Variants in CAMK1D observed in about 807,000 individuals in gnomAD.
CAMK1D encodes the protein calcium/calmodulin-dependent protein kinase type 1D.
Under a neutral mutation model 47.7 loss-of-function variants are expected in CAMK1D, and 9 were observed. The observed-to-expected ratio is 0.19, with a 90% CI of 0.11 to 0.33. The LOEUF (loss-of-function observed/expected upper bound fraction) is 0.33, where lower values mean the gene tolerates loss of function less well. Among genes scored for constraint, CAMK1D ranks in the 10% least tolerant of loss-of-function variants. The probability of loss-of-function intolerance (pLI) is 1.00; values close to 1 mark genes in which losing one functional copy is unlikely to be tolerated. For synonymous variants in CAMK1D, 184 were observed against 184.9 expected (o/e 0.99, Z 0.04); for missense variants, 291 against 488.7 (o/e 0.60, Z 3.81).
intron 1 of CAMK1D, among the ~76,000 whole-genome samples, chr10:12,516,342 C>T (rs138376112): frequency 2.0e-4 from 30 of 151,742 alleles, no homozygotes; most frequent in African/African-American, 6.5e-4. Context: ...CCCCTGACCT[C>T]GTGATCTACC....
chr10:12,810,343 C>T (rs578210154), intron 6 of CAMK1D, among the ~76,000 whole-genome samples: 98 of 145,030 alleles, frequency 6.8e-4, no homozygotes, highest in African/African-American at 2.4e-3. Context: ...GGTGTGATCT[C>T]AGCTCACTGC....
chr10:12,522,803 C>T lies in CAMK1D; in HGVS notation c.93-30422C>T, dbSNP rs375234778. ...GCAGAGGCGCCCACCACCTCCCAGA[C>T]GGGGCGGCTGGCCGGGCGGAGGCGC... On this transcript the variant is annotated intron_variant, in intron 1 of 10. Transcript: ENST00000619168. 1.8e-4 allele frequency among the ~76,000 whole-genome samples: 24 copies of T among 135,650 alleles called. No individual in the cohort carries two copies. In the South Asian group the frequency reaches 2.8e-3, roughly 16 times the overall value. 89.0% of individuals were successfully genotyped at this position (135,650 alleles called of 152,430 possible).
chr10:12,702,580 C>T (rs1247135466), intron 3 of CAMK1D, among the ~76,000 whole-genome samples: 1 of 152,194 alleles, frequency 6.6e-6, no homozygotes, highest in African/African-American at 2.4e-5. Flanking sequence ...GCACCTGTGC[C>T]TAGGACTTTA....
intron 1 of CAMK1D, among the ~76,000 whole-genome samples, chr10:12,362,366 G>C (rs1207783020): frequency 6.6e-6 from 1 of 152,198 alleles, no homozygotes; most frequent in African/African-American, 2.4e-5. Flanking sequence ...CTTGGTATCT[G>C]CCGGGGGCTG....
In CAMK1D at chr10:12,741,307, C is replaced by T. The variant is rs375353880; in HGVS notation, c.300-19641C>T. 2.0e-4 allele frequency among the ~76,000 whole-genome samples: 31 copies of T among 152,304 alleles called. No homozygotes were observed. In the East Asian group the frequency reaches 3.5e-3, roughly 17 times the overall value. On this transcript the variant is annotated intron_variant, in intron 3 of 10. Coordinates refer to ENST00000619168, the MANE Select transcript of CAMK1D (RefSeq NM_153498.4). ...AGACCACATGCTCTTGTAACAGTTA[C>T]GAACCGCCGGGTTAGACCTAAGTTC...
At chr10:12,717,844 C>T (rs1161779958) in intron 3 of CAMK1D, among the ~76,000 whole-genome samples, 2 of 139,742 alleles carry the variant, frequency 1.4e-5, no homozygotes, top group African/African-American at 2.7e-5. Flanking sequence ...CAGTGAGCCA[C>T]GATTGCATCA....
intron 3 of CAMK1D, among the ~76,000 whole-genome samples, chr10:12,693,749 C>G (rs1388941231): frequency 6.6e-6 from 1 of 150,378 alleles, no homozygotes; most frequent in Non-Finnish European, 1.5e-5. Context: ...TTGGACTTGA[C>G]AGCCCTCACA....
At chr10:12,631,251 T>C (rs1320262466) in intron 2 of CAMK1D, among the ~76,000 whole-genome samples, 1 of 152,210 alleles carries the variant, frequency 6.6e-6, no homozygotes, top group African/African-American at 2.4e-5. Flanking sequence ...TCTTCAAAGA[T>C]TATAAAAAGT....
chr10:12,460,094 G>A (rs1224441802), intron 1 of CAMK1D, among the ~76,000 whole-genome samples: 1 of 152,006 alleles, frequency 6.6e-6, no homozygotes, highest in Non-Finnish European at 1.5e-5. Context: ...TTTTCAGGGT[G>A]AAAAAAATGC....
At chr10:12,685,040 T>G (rs1337246627) in intron 3 of CAMK1D, among the ~76,000 whole-genome samples, 1 of 150,076 alleles carries the variant, frequency 6.7e-6, no homozygotes, top group African/African-American at 2.5e-5. Flanking sequence ...CTGGGCGCGG[T>G]GGCTCACGCC....
intron 1 of CAMK1D, among the ~76,000 whole-genome samples, chr10:12,452,577 G>T (rs1423769722): frequency 1.3e-5 from 2 of 151,310 alleles, no homozygotes; most frequent in African/African-American, 4.9e-5. Context: ...ATTAATGTAA[G>T]TTTGACCATT....
chr10:12,548,068 T>C (rs1445258736), intron 1 of CAMK1D, among the ~76,000 whole-genome samples: 2 of 152,148 alleles, frequency 1.3e-5, no homozygotes, highest in Non-Finnish European at 2.9e-5. Context: ...GCGTGACACA[T>C]TGAGAAAGGG....
intron 3 of CAMK1D, among the ~76,000 whole-genome samples, chr10:12,676,439 T>C (rs1046465011): frequency 1.3e-5 from 2 of 152,232 alleles, no homozygotes; most frequent in African/African-American, 4.8e-5. Flanking sequence ...CTGTAGCACT[T>C]GTCACCATCA....
chr10:12,469,879 G>C (rs374802204), intron 1 of CAMK1D, among the ~76,000 whole-genome samples: 7 of 151,726 alleles, frequency 4.6e-5, no homozygotes, highest in African/African-American at 1.7e-4. Flanking sequence ...TTTTTTTCCT[G>C]TTGTCACTTT....
intron 3 of CAMK1D, among the ~76,000 whole-genome samples, chr10:12,756,102 G>A (rs1836216490): frequency 6.6e-6 from 1 of 152,176 alleles, no homozygotes; most frequent in Non-Finnish European, 1.5e-5. Context: ...TGCTCTCACA[G>A]CATTGTACTG....
chr10:12,381,770 G>T (rs1045536782), intron 1 of CAMK1D, among the ~76,000 whole-genome samples: 6 of 152,114 alleles, frequency 3.9e-5, no homozygotes, highest in Non-Finnish European at 7.3e-5. Flanking sequence ...CTTGCTAATT[G>T]GATGATCCCA....
intron 1 of CAMK1D, among the ~76,000 whole-genome samples, chr10:12,541,210 A>G (rs951874822): frequency 6.6e-6 from 1 of 152,178 alleles, no homozygotes; most frequent in African/African-American, 2.4e-5. Flanking sequence ...ACAAAATGTC[A>G]TTAGTGGTGT....
chr10:12,430,762 AT>A (rs1196664512), intron 1 of CAMK1D, among the ~76,000 whole-genome samples: 1 of 151,902 alleles, frequency 6.6e-6, no homozygotes, highest in Non-Finnish European at 1.5e-5. Context: ...GATGATGATG[AT>A]TTTTTAAGAT....
chr10:12,390,136 A>G (rs1838670825), intron 1 of CAMK1D, among the ~76,000 whole-genome samples: 1 of 152,154 alleles, frequency 6.6e-6, no homozygotes, highest in Non-Finnish European at 1.5e-5. Flanking sequence ...AAGCGCTTGT[A>G]CTGCACGGTG....
Sources: allele counts gnomAD v4.1 joint callset (sites outside exome capture counted in the v4.1 genomes callset), GRCh38; gene constraint gnomAD v4.1.1; transcripts MANE v1.5; gene names NCBI Gene and HGNC (gene_info 2026-07-23, HGNC 2026-07-21).